NCOA2: variants seen among roughly 807,000 people sequenced by gnomAD.
NCOA2 encodes the protein class E basic helix-loop-helix protein 75.
In NCOA2, 21 loss-of-function variants were observed where a neutral mutation model predicts 145.1. That is an observed-to-expected ratio of 0.14 (90% CI 0.10 to 0.21). NCOA2 has a LOEUF of 0.21. Among genes scored for constraint, NCOA2 ranks in the 10% least tolerant of loss-of-function variants. NCOA2 has a pLI of 1.00. For synonymous variants in NCOA2, 619 were observed against 637.5 expected, an observed-to-expected ratio of 0.97 and a Z score of 0.44; for missense variants, 1,472 against 1,837.6, an observed-to-expected ratio of 0.80 and a Z score of 3.64.
At chr8:70,341,790 C>A (rs1808166110) in intron 1 of NCOA2, among the ~76,000 whole-genome samples, 1 of 151,980 alleles carries the variant, frequency 6.6e-6, no homozygotes, top group Admixed American at 6.6e-5. Context: ...TTGGAAGATA[C>A]AAAAGGAACA....
At chr8:70,227,483 T>C (rs970137180) in intron 2 of NCOA2, among the ~76,000 whole-genome samples, 14 of 152,198 alleles carry the variant, frequency 9.2e-5, no homozygotes, top group African/African-American at 3.1e-4. Context: ...TTCTCTGTTT[T>C]CCACCACACT....
At chr8:70,421,400 A>G in the NCOA2 span, among the ~76,000 whole-genome samples, 973 of 152,124 alleles carry the variant, frequency 6.4e-3, 8 homozygotes, top group African/African-American at 0.022. Context: ...AGAAAAGAAC[A>G]CAAAACAATT....
At position 70,111,363 on chromosome 8, in the gene NCOA2, A is replaced by T. The variant is rs920232759; in HGVS notation, c.*2269T>A. On this transcript the variant is annotated 3_prime_UTR_variant, in exon 23 of 23. Transcript: ENST00000452400. Reference sequence around the variant, plus strand: ...CTCTTTTGTGCTGTGTGAAGTTAAAAGTCATTCTAATTCACATATTTCTGA... The same window carrying T: ...CTCTTTTGTGCTGTGTGAAGTTAAATGTCATTCTAATTCACATATTTCTGA... The T allele has an allele frequency of 1.3e-5, 3 of 224,162 alleles. No individual in the cohort carries two copies. Among genetic ancestry groups the T allele is most frequent in the African/African-American group, 6.7e-5 (3 of 44,812 alleles). The allele number at this position is 224,162 out of a possible 1,614,324, so 13.9% of individuals were successfully genotyped here.
intron 2 of NCOA2, among the ~76,000 whole-genome samples, chr8:70,234,400 T>C (rs1821418790): frequency 6.6e-6 from 1 of 152,232 alleles, no homozygotes; most frequent in African/African-American, 2.4e-5. Flanking sequence ...GTGAGTCATA[T>C]GGTAACTCTA....
chr8:70,235,328 A>G (rs1034932242), intron 2 of NCOA2, among the ~76,000 whole-genome samples: 1 of 152,170 alleles, frequency 6.6e-6, no homozygotes, highest in African/African-American at 2.4e-5. Context: ...TCTATTTGGG[A>G]TGATGAAAAA....
chr8:70,258,586 C>G lies in NCOA2; in HGVS notation c.-20+38158G>C, dbSNP rs142446525. Among the ~76,000 whole-genome samples, 27 of 152,246 alleles carry G rather than the reference C, an allele frequency of 1.8e-4. No individual in the cohort carries two copies. The East Asian group carries it at 4.4e-3, about 25-fold the overall frequency. The stretch of plus-strand genomic sequence containing the variant: ...TTCAAATCCAATCAATTTCCAAGAC[C>G]TTTAGATTCTACTTTTGCAGTTTCT... On this transcript the variant is annotated intron_variant, in intron 2 of 22. Coordinates refer to ENST00000452400, the MANE Select transcript of NCOA2 (RefSeq NM_006540.4).
At chr8:70,173,080 C>T (rs1042755746) in intron 5 of NCOA2, among the ~76,000 whole-genome samples, 1 of 152,232 alleles carries the variant, frequency 6.6e-6, no homozygotes, top group African/African-American at 2.4e-5. Flanking sequence ...CTCTCTAACA[C>T]ATTTAACACT....
intron 1 of NCOA2, among the ~76,000 whole-genome samples, chr8:70,308,472 C>T (rs1301649524): frequency 1.3e-5 from 2 of 151,816 alleles, no homozygotes; most frequent in Non-Finnish European, 2.9e-5. Context: ...TTTATACATA[C>T]ACATATATGT....
At chr8:70,353,147 A>C (rs1329204120) in intron 1 of NCOA2, among the ~76,000 whole-genome samples, 2 of 152,156 alleles carry the variant, frequency 1.3e-5, no homozygotes, top group African/African-American at 4.8e-5. Flanking sequence ...AATCTAGCTT[A>C]AAGTCATAGC....
At chr8:70,158,045 C>CCAAAT (rs1219659248) in intron 10 of NCOA2, among the ~76,000 whole-genome samples, 2 of 152,214 alleles carry the variant, frequency 1.3e-5, no homozygotes, top group Admixed American at 6.5e-5. Flanking sequence ...TTTGAGTTAC[C>CCAAAT]AAATGTGTTC....
At chr8:70,339,520 T>C (rs780691760) in intron 1 of NCOA2, among the ~76,000 whole-genome samples, 3 of 152,146 alleles carry the variant, frequency 2.0e-5, no homozygotes, top group African/African-American at 4.8e-5. Flanking sequence ...AAGTAATTTA[T>C]AGATTCAATG....
At chr8:70,203,151 T>TAATCAGGAGGC (rs774329783) in intron 4 of NCOA2, among the ~76,000 whole-genome samples, 232 of 150,836 alleles carry the variant, frequency 1.5e-3, no homozygotes, top group Non-Finnish European at 2.8e-3. Flanking sequence ...TAGTCCCAGC[T>TAATCAGGAGGC]AATCAGGAGG....
chr8:70,403,004 C>A (rs1448508795), intron 1 of NCOA2, among the ~76,000 whole-genome samples: 1 of 145,376 alleles, frequency 6.9e-6, no homozygotes, highest in African/African-American at 2.5e-5. Flanking sequence ...GGGGCTGACA[C>A]GGGCCCGGGC....
intron 1 of NCOA2, among the ~76,000 whole-genome samples, chr8:70,382,989 T>C (rs1812345483): frequency 1.3e-5 from 2 of 152,202 alleles, no homozygotes; most frequent in Admixed American, 6.5e-5. Flanking sequence ...TAATAAATGT[T>C]CCTATTTCAA....
the NCOA2 span, among the ~76,000 whole-genome samples, chr8:70,421,767 A>T: frequency 6.6e-6 from 1 of 151,934 alleles, no homozygotes; most frequent in Non-Finnish European, 1.5e-5. Flanking sequence ...TGGTAAAAAA[A>T]AAAAAGTAAA....
chr8:70,291,910 T>C (rs900738812), intron 2 of NCOA2, among the ~76,000 whole-genome samples: 1 of 151,778 alleles, frequency 6.6e-6, no homozygotes, highest in Non-Finnish European at 1.5e-5. Flanking sequence ...CCATCCTGGC[T>C]AACACGGTGA....
chr8:70,369,795 G>C (rs1468956748), intron 1 of NCOA2, among the ~76,000 whole-genome samples: 1 of 152,036 alleles, frequency 6.6e-6, no homozygotes, highest in Non-Finnish European at 1.5e-5. Flanking sequence ...TTCTGTCCCA[G>C]GCACATTATA....
At chr8:70,116,139 A>T (rs1374018327) in intron 22 of NCOA2, among the ~76,000 whole-genome samples, 1 of 143,956 alleles carries the variant, frequency 6.9e-6, no homozygotes, top group Non-Finnish European at 1.5e-5. Flanking sequence ...GTGAGCCGAG[A>T]TTGCGCCACT....
chr8:70,370,528 G>A (rs1811118773), intron 1 of NCOA2, among the ~76,000 whole-genome samples: 1 of 151,970 alleles, frequency 6.6e-6, no homozygotes, highest in Admixed American at 6.5e-5. Context: ...TCTTCCTAAT[G>A]CCATCATTTA....
Sources: gnomAD v4.1 joint callset for allele counts (sites outside exome capture counted in the v4.1 genomes callset) on GRCh38, gnomAD v4.1.1 for gene constraint, MANE v1.5 for transcripts, NCBI Gene and HGNC (gene_info 2026-07-23, HGNC 2026-07-21) for gene names.